SVIL: variants seen among roughly 807,000 people sequenced by gnomAD.
SVIL encodes the protein supervillin.
SVIL carries 101 observed loss-of-function variants against 240.4 expected under a neutral mutation model. The observed-to-expected ratio is 0.42, with a 90% confidence interval of 0.36 to 0.50. The LOEUF (loss-of-function observed/expected upper bound fraction) is 0.50. Among genes scored for constraint, SVIL ranks in the 20% least tolerant of loss-of-function variants. The pLI, the probability that SVIL is intolerant of heterozygous loss-of-function variation, is 0.01. For missense variants in SVIL, 2,512 were observed against 2,818.7 expected (o/e 0.89, Z 2.46); for synonymous variants, 999 against 1,100.0 (o/e 0.91, Z 1.82).
intron 21 of SVIL, among the ~76,000 whole-genome samples, chr10:29,491,362 C>A (rs2281941): frequency 0.38 from 57,644 of 151,866 alleles, 13,458 homozygotes; most frequent in African/African-American, 0.64. Flanking sequence ...CCCATGCACA[C>A]GTCCTAATTC....
At chr10:29,583,990 AC>A (rs1205192347) in intron 1 of SVIL, among the ~76,000 whole-genome samples, 1 of 152,172 alleles carries the variant, frequency 6.6e-6, no homozygotes, top group Non-Finnish European at 1.5e-5. Flanking sequence ...GAATTAGAAA[AC>A]CATGAATACA....
Position 29,608,617 on chromosome 10 carries a change from C to T in SVIL, c.-201+25803G>A, listed in dbSNP as rs116886464. On this transcript the variant is annotated intron_variant, in intron 1 of 37. Transcript: ENST00000355867. ...CTCTCTCCAAGTGCCCGCTCCAGTG[C>T]GAAGCAAAGTTGTGGCAGACCCAGC... is the stretch of plus-strand genomic sequence containing the variant. 1.9e-4 allele frequency among the ~76,000 whole-genome samples: 29 copies of T among 152,360 alleles called. 1 individual carries two copies. In the East Asian group the frequency reaches 4.4e-3, roughly 23 times the overall value.
chr10:29,497,894 A>C (rs559338028), intron 18 of SVIL, among the ~76,000 whole-genome samples: 2,425 of 149,342 alleles, frequency 0.016, 64 homozygotes, highest in African/African-American at 0.057. Context: ...CCAGCCTGGC[A>C]AACATGGCAA....
chr10:29,712,894 G>C (rs1041708473), intron 1 of SVIL, among the ~76,000 whole-genome samples: 1 of 152,108 alleles, frequency 6.6e-6, no homozygotes, highest in African/African-American at 2.4e-5. Flanking sequence ...TGCAATGGTA[G>C]GGCTGGGCAC....
intron 1 of SVIL, among the ~76,000 whole-genome samples, chr10:29,634,070 ACGTTG>A (rs1268151657): frequency 2.0e-5 from 3 of 152,204 alleles, no homozygotes; most frequent in Non-Finnish European, 1.5e-5. Context: ...TTATTAAAGT[ACGTTG>A]CATTGTGAAT....
Position 29,530,534 on chromosome 10 carries a change from C to A in SVIL, c.2106+73G>T, listed in dbSNP as rs146533696. 5 of 1,553,156 alleles carry A rather than the reference C, an allele frequency of 3.2e-6. No homozygotes were observed. In the African/African-American group the frequency reaches 6.8e-5, roughly 21 times the overall value. ...CTCCTGGCCTCAAGTGATTCTCCTG[C>A]CTTGGCCTCTCAAATAGCTGGGATT... On this transcript the variant is annotated intron_variant, in intron 11 of 37. Transcript: ENST00000355867.
In SVIL at chr10:29,653,032, T is replaced by C. The variant is rs558792170; in HGVS notation, c.-201+4937A>G. 6.5e-3 allele frequency among the ~76,000 whole-genome samples: 981 copies of C among 151,660 alleles called. 8 individuals are homozygous for C. Among genetic ancestry groups the C allele is most frequent in the Non-Finnish European group, 0.01 (682 of 67,898 alleles). On this transcript the variant is annotated intron_variant, in intron 3 of 35. Transcript: ENST00000375400. ...TTTTTTTTCTGAGTCGTTCTCGCTA[T>C]GTTGACCAAGCTGGTCTCAAACTCC...
intron 2 of SVIL, among the ~76,000 whole-genome samples, chr10:29,682,489 TC>T (rs1275792895): frequency 7.2e-5 from 11 of 152,176 alleles, no homozygotes; most frequent in African/African-American, 2.4e-5. Context: ...GAAATCCTTT[TC>T]CTCCTGGAGC....
intron 1 of SVIL, among the ~76,000 whole-genome samples, chr10:29,725,057 T>C (rs1003555463): frequency 7.9e-6 from 1 of 127,196 alleles, no homozygotes; most frequent in South Asian, 2.6e-4. Flanking sequence ...AAAAAAAGCA[T>C]GCATGCTCAC....
At chr10:29,498,088 CAAAAAAAAAAAAAA>C (rs34280398) in intron 18 of SVIL, among the ~76,000 whole-genome samples, 3 of 37,484 alleles carry the variant, frequency 8.0e-5, no homozygotes, top group Non-Finnish European at 1.4e-4. Flanking sequence ...TCCCCTCCAC[CAAAAAAAAAAAAAA>C]AAAAAAAAAA....
intron 2 of SVIL, among the ~76,000 whole-genome samples, chr10:29,684,112 A>G (rs1323055678): frequency 3.3e-5 from 5 of 152,204 alleles, no homozygotes; most frequent in Admixed American, 3.3e-4. Flanking sequence ...GAGAAACTGT[A>G]GAATTCCTTT....
chr10:29,546,584 C>T (rs4749446), intron 6 of SVIL, among the ~76,000 whole-genome samples: 63,230 of 151,624 alleles, frequency 0.42, 13,197 homozygotes, highest in African/African-American at 0.43. Context: ...CTAATGAGTA[C>T]AGTATAGTGA....
At chr10:29,594,002 C>T (rs546365423) in intron 1 of SVIL, among the ~76,000 whole-genome samples, 1 of 152,260 alleles carries the variant, frequency 6.6e-6, no homozygotes, top group South Asian at 2.1e-4. Flanking sequence ...ACAGGTTGAG[C>T]ATCCCTAATC....
At position 29,533,462 on chromosome 10, in the gene SVIL, T is replaced by C. The variant is rs760642949; in HGVS notation, c.909-4A>G. ...CAATTTTTCTCTAACTTTAACTCTT[T>C]AAGAAAGAAAAAGGATTTAAGTTGC... On this transcript the variant is annotated splice_region_variant and splice_polypyrimidine_tract_variant and intron_variant, in intron 7 of 37. Transcript: ENST00000355867. 6.2e-7 allele frequency: 1 copy of C among 1,607,698 alleles called. No individual in the cohort carries two copies. The highest frequency in any genetic ancestry group is 1.1e-5 in the South Asian group (1 of 90,712).
At chr10:29,631,183 G>A (rs1958075408) in intron 1 of SVIL, among the ~76,000 whole-genome samples, 2 of 152,376 alleles carry the variant, frequency 1.3e-5, no homozygotes, top group South Asian at 4.1e-4. Context: ...GGAGGCTACA[G>A]AGCCCAGGCT....
intron 1 of SVIL, among the ~76,000 whole-genome samples, chr10:29,731,877 G>T (rs1245235037): frequency 6.6e-6 from 1 of 152,228 alleles, no homozygotes; most frequent in Non-Finnish European, 1.5e-5. Context: ...TCTCCCATAT[G>T]CGAAGAAGTT....
intron 1 of SVIL, among the ~76,000 whole-genome samples, chr10:29,627,740 A>G (rs1315450770): frequency 6.6e-6 from 1 of 152,220 alleles, no homozygotes; most frequent in African/African-American, 2.4e-5. Context: ...CTCAAATGGG[A>G]GAATCCTGTG....
intron 1 of SVIL, among the ~76,000 whole-genome samples, chr10:29,626,414 C>G (rs528871769): frequency 3.3e-4 from 50 of 152,286 alleles, no homozygotes; most frequent in African/African-American, 1.2e-3. Context: ...AACACCTATA[C>G]CAGTCCCTGA....
chr10:29,481,373 TCTC>T (rs1946830274), intron 28 of SVIL, among the ~76,000 whole-genome samples: 1 of 152,018 alleles, frequency 6.6e-6, no homozygotes, highest in Admixed American at 6.6e-5. Context: ...GCTCTGGTTT[TCTC>T]CTGCACAGTG....
Sources: gnomAD v4.1 joint callset for allele counts (sites outside exome capture counted in the v4.1 genomes callset) on GRCh38, gnomAD v4.1.1 for gene constraint, MANE v1.5 for transcripts, NCBI Gene and HGNC (gene_info 2026-07-23, HGNC 2026-07-21) for gene names.